MBNL1: variants seen among roughly 807,000 people sequenced by gnomAD.
MBNL1 encodes the protein muscleblind like splicing regulator 1, also known as muscleblind-like protein 1.
A neutral mutation model predicts 42.2 loss-of-function variants in MBNL1; 8 were observed. That is an observed-to-expected ratio of 0.19 (90% CI 0.11 to 0.34). The LOEUF (loss-of-function observed/expected upper bound fraction) is 0.34, where lower values mean the gene tolerates loss of function less well. Ranked by LOEUF, MBNL1 falls within the 10% of genes least tolerant of loss-of-function variation. The pLI is 1.00. For synonymous variants in MBNL1, 169 were observed against 173.9 expected (o/e 0.97, Z 0.22); for missense variants, 309 against 495.3 (o/e 0.62, Z 3.57).
chr3:152,423,369 A>G (rs945106690), intron 3 of MBNL1, among the ~76,000 whole-genome samples: 2 of 152,236 alleles, frequency 1.3e-5, no homozygotes, highest in Non-Finnish European at 2.9e-5. Flanking sequence ...CAGCCTCCCA[A>G]GACTCAACCA....
At chr3:152,293,700 A>G (rs1284128708) in intron 1 of MBNL1, among the ~76,000 whole-genome samples, 1 of 152,226 alleles carries the variant, frequency 6.6e-6, no homozygotes, top group African/African-American at 2.4e-5. Flanking sequence ...ACTTATATCA[A>G]CATTAAAAGC....
At chr3:152,317,443 C>T (rs2072672208) in intron 2 of MBNL1, among the ~76,000 whole-genome samples, 1 of 152,082 alleles carries the variant, frequency 6.6e-6, no homozygotes, top group Non-Finnish European at 1.5e-5. Context: ...CCTCAATCTC[C>T]TGAGTATCTG....
intron 2 of MBNL1, among the ~76,000 whole-genome samples, chr3:152,310,568 G>C (rs1049011200): frequency 5.3e-5 from 8 of 152,196 alleles, no homozygotes; most frequent in African/African-American, 1.7e-4. Context: ...GCAAGTATTT[G>C]TTAAATCATT....
At chr3:152,417,185 A>G (rs2098715883) in intron 3 of MBNL1, among the ~76,000 whole-genome samples, 1 of 151,986 alleles carries the variant, frequency 6.6e-6, no homozygotes, top group African/African-American at 2.4e-5. Context: ...AGACTTTTTT[A>G]TCCTTTTTGT....
At chr3:152,405,568 G>C (rs2098407317) in intron 2 of MBNL1, among the ~76,000 whole-genome samples, 2 of 152,156 alleles carry the variant, frequency 1.3e-5, no homozygotes, top group Admixed American at 1.3e-4. Context: ...CTAGGAACTA[G>C]TCTTAAACTA....
chr3:152,312,211 A>G (rs961011416), intron 2 of MBNL1, among the ~76,000 whole-genome samples: 108 of 151,662 alleles, frequency 7.1e-4, no homozygotes, highest in Non-Finnish European at 1.1e-3. Flanking sequence ...AAAAAAAAAA[A>G]AGAGATGTAT....
intron 2 of MBNL1, among the ~76,000 whole-genome samples, chr3:152,351,866 A>C (rs780427350): frequency 6.6e-6 from 1 of 152,192 alleles, no homozygotes. Flanking sequence ...GTTAGCTACT[A>C]TTATTATATT....
At chr3:152,399,219 G>A (rs1340312965) in intron 2 of MBNL1, among the ~76,000 whole-genome samples, 1 of 152,098 alleles carries the variant, frequency 6.6e-6, no homozygotes, top group African/African-American at 2.4e-5. Flanking sequence ...CTGAAATTTG[G>A]TATAAAATAT....
chr3:152,319,263 T>C (rs1239561867), intron 2 of MBNL1, among the ~76,000 whole-genome samples: 2 of 152,172 alleles, frequency 1.3e-5, no homozygotes, highest in African/African-American at 4.8e-5. Context: ...AGAGATGATT[T>C]TTTCCTTTGT....
At chr3:152,313,384 G>T (rs2068265938) in intron 2 of MBNL1, among the ~76,000 whole-genome samples, 1 of 152,160 alleles carries the variant, frequency 6.6e-6, no homozygotes, top group African/African-American at 2.4e-5. Context: ...CGTGGATTCA[G>T]CTGGATCTGA....
intron 3 of MBNL1, among the ~76,000 whole-genome samples, chr3:152,424,160 G>A (rs534942710): frequency 6.6e-6 from 1 of 152,158 alleles, no homozygotes; most frequent in Non-Finnish European, 1.5e-5. Context: ...TGACATGATT[G>A]TATATTTACA....
intron 2 of MBNL1, among the ~76,000 whole-genome samples, chr3:152,261,917 A>G (rs904936500): frequency 1.3e-5 from 2 of 152,176 alleles, no homozygotes; most frequent in Admixed American, 1.3e-4. Context: ...CGTGAGGAGC[A>G]AGGCCTTGCC....
intron 2 of MBNL1, among the ~76,000 whole-genome samples, chr3:152,368,600 G>A (rs1284454515): frequency 2.0e-5 from 3 of 152,056 alleles, no homozygotes; most frequent in African/African-American, 7.2e-5. Flanking sequence ...GAATTACTTT[G>A]GACAGTATGG....
At chr3:152,454,081 C>G (rs3773910) in intron 6 of MBNL1, among the ~76,000 whole-genome samples, 33,325 of 152,050 alleles carry the variant, frequency 0.22, 3,883 homozygotes, top group South Asian at 0.28. Context: ...TTTGTTATTA[C>G]TGGCTTGTTT....
intron 2 of MBNL1, chr3:152,302,269 T>G (rs932869080): frequency 6.6e-6 from 1 of 152,128 alleles, no homozygotes; most frequent in African/African-American, 2.4e-5. Flanking sequence ...TTTTTCTTTG[T>G]CTTTCTAAGA....
intron 2 of MBNL1, among the ~76,000 whole-genome samples, chr3:152,413,340 G>A (rs969866865): frequency 4.6e-5 from 7 of 152,104 alleles, no homozygotes; most frequent in South Asian, 2.1e-4. Flanking sequence ...AGTGATACAC[G>A]TTTTCTAATA....
chr3:152,324,925 T>C (rs2078600822), intron 2 of MBNL1, among the ~76,000 whole-genome samples: 1 of 152,116 alleles, frequency 6.6e-6, no homozygotes, highest in Non-Finnish European at 1.5e-5. Flanking sequence ...CTCTCTGTAC[T>C]TTAATTAATA....
At chr3:152,338,484 A>G (rs1051833917) in intron 2 of MBNL1, 2 of 985,226 alleles carry the variant, frequency 2.0e-6, no homozygotes, top group South Asian at 4.7e-5. Context: ...AGGCTTCCCA[A>G]GCTTTGGCTG....
chr3:152,361,535 G>A (rs1467670682), intron 2 of MBNL1, among the ~76,000 whole-genome samples: 2 of 151,518 alleles, frequency 1.3e-5, no homozygotes, highest in Non-Finnish European at 2.9e-5. Context: ...ACAATGGGAG[G>A]GGCAAATGCT....
Sources: gnomAD v4.1 joint callset for allele counts (sites outside exome capture counted in the v4.1 genomes callset) on GRCh38, gnomAD v4.1.1 for gene constraint, MANE v1.5 for transcripts, NCBI Gene and HGNC (gene_info 2026-07-23, HGNC 2026-07-21) for gene names.